Variants in BCL11B observed in about 807,000 individuals in gnomAD.
The protein encoded by BCL11B is BCL11 transcription factor B.
A neutral mutation model predicts 49.9 loss-of-function variants in BCL11B; 8 were observed. That is an observed-to-expected ratio of 0.16 (90% CI 0.09 to 0.29). BCL11B has a LOEUF of 0.29. Ranked by LOEUF, BCL11B falls within the 10% of genes least tolerant of loss-of-function variation. The probability of loss-of-function intolerance (pLI) is 1.00; values close to 1 mark genes in which losing one functional copy is unlikely to be tolerated. For synonymous variants in BCL11B, 739 were observed against 637.4 expected (o/e 1.16, Z -2.40); for missense variants, 1,006 against 1,351.0 (o/e 0.74, Z 4.00).
chr14:99,269,743 T>A (rs1345421749), intron 1 of BCL11B, among the ~76,000 whole-genome samples: 1 of 150,712 alleles, frequency 6.6e-6, no homozygotes, highest in Non-Finnish European at 1.5e-5. Flanking sequence ...CTGCGGTGAC[T>A]GGGCGCGCAG....
intron 3 of BCL11B, among the ~76,000 whole-genome samples, chr14:99,178,500 C>A (rs11627229): frequency 1.3e-5 from 2 of 151,930 alleles, no homozygotes; most frequent in Non-Finnish European, 2.9e-5. Context: ...CACCACAGCC[C>A]TCCTGCTCTG....
intron 3 of BCL11B, among the ~76,000 whole-genome samples, chr14:99,179,138 G>A (rs1886624411): frequency 1.3e-5 from 2 of 152,332 alleles, no homozygotes; most frequent in Non-Finnish European, 2.9e-5. Flanking sequence ...GTAGCTACAA[G>A]TGCTAAAGAG....
intron 1 of BCL11B, among the ~76,000 whole-genome samples, chr14:99,269,795 G>C (rs1889601826): frequency 6.8e-6 from 1 of 147,950 alleles, no homozygotes; most frequent in Non-Finnish European, 1.5e-5. Context: ...CCAGCCCGGC[G>C]AGGTGCGCGG....
intron 2 of BCL11B, among the ~76,000 whole-genome samples, chr14:99,256,421 A>G (rs1274454395): frequency 6.6e-6 from 1 of 152,154 alleles, no homozygotes; most frequent in East Asian, 1.9e-4. Flanking sequence ...TGAGGCTCGG[A>G]CCCATGAAGT....
chr14:99,207,330 C>A (rs945414370), intron 3 of BCL11B, among the ~76,000 whole-genome samples: 1 of 152,152 alleles, frequency 6.6e-6, no homozygotes, highest in African/African-American at 2.4e-5. Flanking sequence ...CCTTGATGAG[C>A]CTTTGCAGAC....
At chr14:99,266,922 A>G (rs1445954879) in intron 1 of BCL11B, among the ~76,000 whole-genome samples, 1 of 152,254 alleles carries the variant, frequency 6.6e-6, no homozygotes, top group African/African-American at 2.4e-5. Context: ...TCTAAGCTAT[A>G]AGACAGTGCC....
chr14:99,182,683 T>A (rs1229369670), intron 3 of BCL11B, among the ~76,000 whole-genome samples: 1 of 152,200 alleles, frequency 6.6e-6, no homozygotes, highest in African/African-American at 2.4e-5. Context: ...CATGGTCTCC[T>A]CTGGTGGTAA....
Position 99,231,967 on chromosome 14 carries a change from A to G in BCL11B, c.428-410T>C, listed in dbSNP as rs1048775472. 6.2e-4 allele frequency among the ~76,000 whole-genome samples: 95 copies of G among 152,070 alleles called. 11 individuals carry two copies. On this transcript the variant is annotated intron_variant, in intron 2 of 3. Transcript: ENST00000357195. The surrounding 1 kb of genome is among the most constrained non-coding windows in gnomAD (Gnocchi z 8.1). ...ACTTCGGGCTACCCCTCCCTGGAAG[A>G]GCTGGGAAGCTCACAGCCTCCCCTG...
intron 3 of BCL11B, among the ~76,000 whole-genome samples, chr14:99,227,595 T>G (rs954697532): frequency 6.6e-6 from 1 of 152,038 alleles, no homozygotes; most frequent in African/African-American, 2.4e-5. Flanking sequence ...GCTAGCCCCA[T>G]GCTCACTCCA....
rs1053173154 is a variant in BCL11B, at chr14:99,170,691, G to A, written c.*3460C>T. On this transcript the variant is annotated 3_prime_UTR_variant, in exon 4 of 4. Transcript: ENST00000357195. ...CAGGCCCTCGCATTCGGAAACTGAC[G>A]GAATGTAGGTTTCAGAGAGCAAAGC... 1.7e-5 allele frequency: 4 copies of A among 233,196 alleles called. No homozygotes were observed. The highest frequency in any genetic ancestry group is 1.1e-4 in the Admixed American group (2 of 17,778). 14.4% of individuals were successfully genotyped at this position (233,196 alleles called of 1,614,324 possible).
intron 3 of BCL11B, among the ~76,000 whole-genome samples, chr14:99,209,223 G>T (rs1887620441): frequency 6.6e-6 from 1 of 152,144 alleles, no homozygotes; most frequent in Non-Finnish European, 1.5e-5. Context: ...TCACAATGAG[G>T]ACTCTGAAGG....
chr14:99,180,255 C>A (rs181661030), intron 3 of BCL11B, among the ~76,000 whole-genome samples: 248 of 152,356 alleles, frequency 1.6e-3, no homozygotes, highest in Non-Finnish European at 2.9e-3. Context: ...TACCCAGCAA[C>A]ATCAAACCTG....
intron 3 of BCL11B, among the ~76,000 whole-genome samples, chr14:99,206,029 G>A (rs1157248170): frequency 1.3e-5 from 2 of 152,164 alleles, no homozygotes; most frequent in African/African-American, 4.8e-5. Flanking sequence ...ACCTGAGCCA[G>A]CAAGGTTCAT....
At chr14:99,181,236 TG>T (rs1028719274) in intron 3 of BCL11B, among the ~76,000 whole-genome samples, 2 of 152,136 alleles carry the variant, frequency 1.3e-5, no homozygotes, top group African/African-American at 4.8e-5. Flanking sequence ...ATCCTGAGGT[TG>T]GGGGGCTAAA....
At chr14:99,217,385 GACACAC>G (rs112404818) in intron 3 of BCL11B, among the ~76,000 whole-genome samples, 43 of 131,130 alleles carry the variant, frequency 3.3e-4, no homozygotes, top group Admixed American at 8.4e-4. Flanking sequence ...CACACATACA[GACACAC>G]ACACACACAC....
intron 3 of BCL11B, among the ~76,000 whole-genome samples, chr14:99,208,551 C>T (rs958907055): frequency 1.3e-5 from 2 of 152,174 alleles, no homozygotes; most frequent in Non-Finnish European, 2.9e-5. Context: ...GACAGGGAAG[C>T]TAACCCAAGC....
chr14:99,271,257 A>G lies in BCL11B; in HGVS notation c.-39T>C. 7.4e-7 allele frequency: 1 copy of G among 1,355,690 alleles called. No individual in the cohort carries two copies. Among genetic ancestry groups the G allele is most frequent in the Non-Finnish European group, 9.5e-7 (1 of 1,050,192 alleles). The allele number at this position is 1,355,690 out of a possible 1,614,324, so 84.0% of individuals were successfully genotyped here. Reference sequence around the variant, plus strand: ...ATTCTGGCATCGCCCGGAGAGCTGCACTGATGGGGGGAGCCGGGGGAGGGG... The same window carrying G: ...ATTCTGGCATCGCCCGGAGAGCTGCGCTGATGGGGGGAGCCGGGGGAGGGG... On this transcript the variant is annotated 5_prime_UTR_variant, in exon 1 of 4. Transcript: ENST00000357195.
Position 99,175,755 on chromosome 14 carries a change from T to C in BCL11B, c.1081A>G (p.Met361Val). 1 of 1,465,626 alleles carries C rather than the reference T, an allele frequency of 6.8e-7. No individual in the cohort carries two copies. The highest frequency in any genetic ancestry group is 2.6e-5 in the East Asian group (1 of 38,410). 90.8% of individuals were successfully genotyped at this position (1,465,626 alleles called of 1,614,324 possible). ...LNPMAIDSPA[M>V]DFSRRLRELA... is the part of the protein sequence containing the mutation. ...TCGCGGAGCCGCCGCGAGAAGTCCA[T>C]GGCGGGCGAGTCGATGGCCATGGGG... Residue 361 changes from methionine (M) to valine (V), a missense_variant, in exon 4 of 4, where the codon ATG becomes GTG. Met to Val is a conservative substitution (Grantham distance 21). Coordinates refer to ENST00000357195, the MANE Select transcript of BCL11B (RefSeq NM_138576.4).
At chr14:99,220,631 G>A (rs969657870) in intron 3 of BCL11B, among the ~76,000 whole-genome samples, 7 of 152,104 alleles carry the variant, frequency 4.6e-5, no homozygotes, top group Admixed American at 6.5e-5. Context: ...TTGGGATGAT[G>A]GAAAAGCTCT....
Sources: gnomAD v4.1 joint callset for allele counts (sites outside exome capture counted in the v4.1 genomes callset) on GRCh38, gnomAD v4.1.1 for gene constraint, Gnocchi (gnomAD v3.1) non-coding constraint, MANE v1.5 for transcripts, NCBI Gene and HGNC (gene_info 2026-07-23, HGNC 2026-07-21) for gene names.